The following PMF1 variants were observed in gnomAD, a reference collection of about 807,000 sequenced individuals.
The protein encoded by PMF1 is polyamine-modulated factor 1.
Under a neutral mutation model 26.7 loss-of-function variants are expected in PMF1, and 21 were observed. The ratio of observed to expected loss-of-function variants is 0.79; its 90% confidence interval spans 0.56 to 1.13. The LOEUF (loss-of-function observed/expected upper bound fraction) is 1.13. Ranked by LOEUF, PMF1 falls within the 50% of genes most tolerant of loss-of-function variation. The probability of loss-of-function intolerance (pLI) is 0.00; values close to 1 mark genes in which losing one functional copy is unlikely to be tolerated. For synonymous variants in PMF1, 105 were observed against 101.0 expected, an observed-to-expected ratio of 1.04 and a Z score of -0.24; for missense variants, 266 against 254.9, an observed-to-expected ratio of 1.04 and a Z score of -0.30.
At chr1:156,231,351 CTGAT>C (rs1658694849) in intron 1 of PMF1, among the ~76,000 whole-genome samples, 1 of 151,206 alleles carries the variant, frequency 6.6e-6, no homozygotes, top group South Asian at 2.1e-4. Context: ...GCAGTGGGCT[CTGAT>C]TGTGTCACTG....
chr1:156,231,377 AG>A (rs1306477100), intron 1 of PMF1, among the ~76,000 whole-genome samples: 1 of 150,808 alleles, frequency 6.6e-6, no homozygotes, highest in Non-Finnish European at 1.5e-5. Context: ...ACTCCAGCCC[AG>A]GTGATGGAAT....
intron 1 of PMF1, chr1:156,224,031 T>C (rs1658223408): frequency 6.6e-6 from 1 of 152,204 alleles, no homozygotes; most frequent in East Asian, 1.9e-4. Flanking sequence ...TTCTTCCATC[T>C]TTCTCAGGAA....
Position 156,239,674 on chromosome 1 carries a change from G to A in PMF1, c.*73G>A, listed in dbSNP as rs187352892. The A allele has an allele frequency of 1.9e-4, 247 of 1,296,190 alleles. No homozygotes were observed. In the African/African-American group the frequency reaches 2.7e-3, roughly 14 times the overall value. The allele number at this position is 1,296,190 out of a possible 1,614,324, so 80.3% of individuals were successfully genotyped here. A position where few individuals can be genotyped will look rare whatever the true frequency, so the allele number is the denominator to read the frequency against. On this transcript the variant is annotated 3_prime_UTR_variant, in exon 5 of 5. Transcript: ENST00000368277. ...GTGGTCCAGCATGCCTGGCCTGGGCGGGCTACCTCTGAGAACGGCTGAAAT... is the reference window on the plus strand; with the variant it reads ...GTGGTCCAGCATGCCTGGCCTGGGCAGGCTACCTCTGAGAACGGCTGAAAT...
rs1204556111 is a variant in PMF1, at chr1:156,239,951, A to G, written c.*350A>G. On this transcript the variant is annotated 3_prime_UTR_variant, in exon 5 of 5. Transcript: ENST00000368277. ...CCCTGGCTTGGAGAATCTGTTTTCAATCTCCACTGATTGCCCCCTTGCTGG... is the reference window on the plus strand; with the variant it reads ...CCCTGGCTTGGAGAATCTGTTTTCAGTCTCCACTGATTGCCCCCTTGCTGG... 26 of 272,346 alleles carry G rather than the reference A, an allele frequency of 9.5e-5. No homozygotes were observed. Among genetic ancestry groups the G allele is most frequent in the African/African-American group, 2.2e-5 (1 of 45,416 alleles). 16.9% of individuals were successfully genotyped at this position (272,346 alleles called of 1,614,324 possible).
intron 2 of PMF1, among the ~76,000 whole-genome samples, chr1:156,233,034 C>T (rs1572501570): frequency 6.6e-6 from 1 of 151,702 alleles, no homozygotes; most frequent in Admixed American, 6.6e-5. Flanking sequence ...ATCCTCCTAC[C>T]TCAGATTCCA....
Position 156,217,137 on chromosome 1 carries a change from G to A in PMF1, c.161+3961G>A, listed in dbSNP as rs563085823. On this transcript the variant is annotated intron_variant, in intron 1 of 4. Transcript: ENST00000368277. ...TTGGGAGATATACCTAAGGCTAGAT[G>A]ACGAGTTAGTGGGTGCAGCGCACCA... Among the ~76,000 whole-genome samples, 6 of 150,508 alleles carry A rather than the reference G, an allele frequency of 4.0e-5. 1 individual carries two copies. The highest frequency in any genetic ancestry group is 1.5e-4 in the African/African-American group (6 of 40,740).
chr1:156,224,505 A>G (rs1422995152), intron 1 of PMF1, among the ~76,000 whole-genome samples: 1 of 152,200 alleles, frequency 6.6e-6, no homozygotes, highest in Admixed American at 6.5e-5. Flanking sequence ...GGCCGGGCGC[A>G]GTGGCTCACG....
At chr1:156,235,126 T>C (rs1158877445) in intron 3 of PMF1, among the ~76,000 whole-genome samples, 1 of 151,876 alleles carries the variant, frequency 6.6e-6, no homozygotes, top group African/African-American at 2.4e-5. Flanking sequence ...AAAAGAATTT[T>C]TTTTTTTTTT....
intron 1 of PMF1, among the ~76,000 whole-genome samples, chr1:156,216,505 C>G (rs1021918012): frequency 1.3e-5 from 2 of 152,218 alleles, no homozygotes; most frequent in Admixed American, 6.5e-5. Flanking sequence ...GTGCGGGGCT[C>G]TGGCCTACCG....
At chr1:156,231,741 G>C (rs1225421624) in intron 1 of PMF1, among the ~76,000 whole-genome samples, 1 of 152,098 alleles carries the variant, frequency 6.6e-6, no homozygotes, top group Non-Finnish European at 1.5e-5. Context: ...AACAATAAGA[G>C]AAATATATTA....
intron 4 of PMF1, among the ~76,000 whole-genome samples, chr1:156,237,510 G>A (rs79806341): frequency 1.8e-4 from 25 of 140,736 alleles, no homozygotes; most frequent in Non-Finnish European, 3.0e-4. Context: ...GCAGTGGCAC[G>A]ATCTCAGCTC....
intron 1 of PMF1, among the ~76,000 whole-genome samples, chr1:156,225,252 A>T (rs964409095): frequency 3.3e-4 from 47 of 144,164 alleles, no homozygotes; most frequent in African/African-American, 1.2e-3. Context: ...GGGGATGAAG[A>T]GCAAGAATTT....
intron 4 of PMF1, among the ~76,000 whole-genome samples, chr1:156,239,111 C>T (rs1407754350): frequency 6.6e-6 from 1 of 152,180 alleles, no homozygotes; most frequent in Admixed American, 6.5e-5. Flanking sequence ...CTAAGAGGAA[C>T]AAAGCCCCCT....
At chr1:156,214,477 T>C (rs1060604) in intron 1 of PMF1, among the ~76,000 whole-genome samples, 45,971 of 152,088 alleles carry the variant, frequency 0.3, 7,167 homozygotes, top group Non-Finnish European at 0.34. Context: ...AATATTTGAG[T>C]GTCAGCTGGG....
At chr1:156,214,887 T>TTA (rs1558187651) in intron 1 of PMF1, among the ~76,000 whole-genome samples, 27 of 150,030 alleles carry the variant, frequency 1.8e-4, no homozygotes, top group Non-Finnish European at 2.2e-4. Flanking sequence ...TATTATTATT[T>TTA]TTTTTTTTTA....
At chr1:156,234,432 C>T (rs1187340107) in intron 3 of PMF1, among the ~76,000 whole-genome samples, 1 of 147,048 alleles carries the variant, frequency 6.8e-6, no homozygotes. Context: ...GTAGATGAGG[C>T]TGGTGGGGCA....
intron 4 of PMF1, 83 bp downstream of exon 4, chr1:156,236,566 ACACAGGGGACCCC>A (rs902452255): frequency 3.7e-5 from 55 of 1,491,876 alleles, no homozygotes; most frequent in African/African-American, 2.5e-4. Context: ...CTCCATTCCA[ACACAGGGGACCCC>A]CACAGGGGGT....
At chr1:156,227,725 C>T (rs1433363267) in intron 1 of PMF1, among the ~76,000 whole-genome samples, 2 of 150,870 alleles carry the variant, frequency 1.3e-5, no homozygotes, top group Non-Finnish European at 3.0e-5. Context: ...CTCGAACTCC[C>T]GACTTCAAGT....
At chr1:156,225,421 C>T (rs1317902042) in intron 1 of PMF1, 2 of 591,364 alleles carry the variant, frequency 3.4e-6, no homozygotes, top group Admixed American at 2.6e-5. Flanking sequence ...ACACTATACC[C>T]AGTATGTAGT....
Sources: gnomAD v4.1 joint callset for allele counts (sites outside exome capture counted in the v4.1 genomes callset) on GRCh38, gnomAD v4.1.1 for gene constraint, MANE v1.5 for transcripts, NCBI Gene and HGNC (gene_info 2026-07-23, HGNC 2026-07-21) for gene names.